Variants in IQGAP1 observed in about 807,000 individuals in gnomAD.
IQGAP1 encodes ras GTPase-activating-like protein IQGAP1.
IQGAP1 carries 66 observed loss-of-function variants against 215.6 expected under a neutral mutation model. That is an observed-to-expected ratio of 0.31 (90% CI 0.25 to 0.38). The LOEUF (loss-of-function observed/expected upper bound fraction) is 0.38, where lower values mean the gene tolerates loss of function less well. Among genes scored for constraint, IQGAP1 ranks in the 10% least tolerant of loss-of-function variants. The pLI is 1.00. For synonymous variants in IQGAP1, 772 were observed against 728.7 expected (o/e 1.06, Z -0.96); for missense variants, 1,712 against 1,997.1 (o/e 0.86, Z 2.72).
At chr15:90,412,365 TCTC>T (rs1436300914) in intron 2 of IQGAP1, among the ~76,000 whole-genome samples, 1 of 152,204 alleles carries the variant, frequency 6.6e-6, no homozygotes, top group Non-Finnish European at 1.5e-5. Context: ...TTCTTTAGTG[TCTC>T]CTCACTTCTC....
chr15:90,458,078 G>A (rs912420568), intron 15 of IQGAP1, among the ~76,000 whole-genome samples: 1 of 152,180 alleles, frequency 6.6e-6, no homozygotes, highest in Non-Finnish European at 1.5e-5. Flanking sequence ...CCATCAGACT[G>A]CTGGTTTGTC....
chr15:90,421,756 C>T (rs1228175374), intron 2 of IQGAP1, among the ~76,000 whole-genome samples: 1 of 152,144 alleles, frequency 6.6e-6, no homozygotes, highest in African/African-American at 2.4e-5. Context: ...TGCAGTGATG[C>T]AATCTCAGCT....
chr15:90,476,246 T>C (rs996500906), intron 23 of IQGAP1, among the ~76,000 whole-genome samples: 3 of 152,154 alleles, frequency 2.0e-5, no homozygotes, highest in African/African-American at 7.2e-5. Context: ...AAATATTATT[T>C]TTAACAGTAG....
At chr15:90,486,603 A>C in intron 31 of IQGAP1, 1 of 211,112 alleles carries the variant, frequency 4.7e-6, no homozygotes, top group Non-Finnish European at 9.4e-6. Context: ...TATGTTGCCC[A>C]GGCTGGTCTC....
At position 90,390,965 on chromosome 15, in the gene IQGAP1, G is replaced by A. The variant is rs148785506; in HGVS notation, c.155+92G>A. The A allele has an allele frequency of 3.0e-4, 249 of 832,498 alleles. No individual in the cohort carries two copies. In the Middle Eastern group the frequency reaches 9.6e-3, roughly 32 times the overall value. 51.6% of individuals were successfully genotyped at this position (832,498 alleles called of 1,614,324 possible). A position where few individuals can be genotyped will look rare whatever the true frequency, so the allele number is the denominator to read the frequency against. ...AGATTGCTTTGAGGCTGAACACAGT[G>A]GTCCATGCCTGTAATCCCAACACGT... On this transcript the variant is annotated intron_variant, in intron 2 of 37. Transcript: ENST00000268182.
chr15:90,392,296 CAT>C (rs1156502003), intron 2 of IQGAP1, among the ~76,000 whole-genome samples: 3 of 152,164 alleles, frequency 2.0e-5, no homozygotes, highest in Admixed American at 6.5e-5. Context: ...TAGAAGATGA[CAT>C]AGCAAGGCAT....
At chr15:90,422,410 TAAA>T (rs1438690493) in intron 2 of IQGAP1, among the ~76,000 whole-genome samples, 1 of 151,926 alleles carries the variant, frequency 6.6e-6, no homozygotes, top group Non-Finnish European at 1.5e-5. Flanking sequence ...TAATTCTAAA[TAAA>T]GAAGAACACC....
intron 17 of IQGAP1, 146 bp downstream of exon 17, chr15:90,466,582 C>T: frequency 1.3e-6 from 1 of 759,336 alleles, no homozygotes; most frequent in Non-Finnish European, 2.1e-6. Flanking sequence ...GAGATAAAAT[C>T]CCTATTTTTG....
intron 35 of IQGAP1, 22 bp from the exon 36 acceptor site, chr15:90,494,691 T>C (rs1966249043): frequency 6.3e-7 from 1 of 1,586,408 alleles, no homozygotes; most frequent in Admixed American, 1.9e-5. Flanking sequence ...TTATAGAAAG[T>C]GACATGATGT....
intron 5 of IQGAP1, among the ~76,000 whole-genome samples, chr15:90,438,383 A>G (rs749387334): frequency 4.6e-5 from 7 of 152,200 alleles, no homozygotes; most frequent in Non-Finnish European, 1.0e-4. Context: ...GTTTATTAAT[A>G]TATGCTAGGC....
At chr15:90,463,221 G>A (rs1038155016) in intron 15 of IQGAP1, among the ~76,000 whole-genome samples, 2 of 152,112 alleles carry the variant, frequency 1.3e-5, no homozygotes, top group Non-Finnish European at 2.9e-5. Context: ...TGTATGAAAG[G>A]TTTTACTTTA....
At chr15:90,477,955 C>G (rs1489968838) in intron 26 of IQGAP1, 66 bp downstream of exon 26, 2 of 1,024,928 alleles carry the variant, frequency 2.0e-6, no homozygotes, top group Non-Finnish European at 3.0e-6. Context: ...TTTCCCCTCT[C>G]TTTATTTATA....
chr15:90,438,019 A>G (rs1965393606), intron 5 of IQGAP1, among the ~76,000 whole-genome samples: 1 of 152,070 alleles, frequency 6.6e-6, no homozygotes, highest in African/African-American at 2.4e-5. Context: ...AGAATACTTG[A>G]TTTTTGTTTT....
At chr15:90,485,687 G>T (rs1036922266) in intron 30 of IQGAP1, among the ~76,000 whole-genome samples, 1 of 152,038 alleles carries the variant, frequency 6.6e-6, no homozygotes, top group Non-Finnish European at 1.5e-5. Flanking sequence ...TGATCCACCC[G>T]CCTTGGCTTC....
At chr15:90,442,506 G>A (rs1281041474) in intron 8 of IQGAP1, among the ~76,000 whole-genome samples, 1 of 152,162 alleles carries the variant, frequency 6.6e-6, no homozygotes, top group Non-Finnish European at 1.5e-5. Context: ...AGTGGTTGAT[G>A]ACAAAACGAA....
intron 7 of IQGAP1, among the ~76,000 whole-genome samples, chr15:90,440,997 C>G (rs1306264547): frequency 2.0e-5 from 3 of 151,962 alleles, no homozygotes; most frequent in Admixed American, 2.0e-4. Flanking sequence ...ATCCCAGCTA[C>G]TCGGGAGGCT....
chr15:90,425,498 T>C (rs982526262), intron 2 of IQGAP1, among the ~76,000 whole-genome samples: 1 of 152,148 alleles, frequency 6.6e-6, no homozygotes, highest in Non-Finnish European at 1.5e-5. Context: ...TTATTCTTTT[T>C]CTTTTTGGAA....
intron 11 of IQGAP1, 116 bp from the exon 12 acceptor site, chr15:90,452,659 T>C (rs535728457): frequency 8.1e-7 from 1 of 1,232,590 alleles, no homozygotes; most frequent in African/African-American, 1.5e-5. Flanking sequence ...AAGTTCCACT[T>C]CAAACTTCAT....
chr15:90,394,691 T>C (rs1964688128), intron 2 of IQGAP1, among the ~76,000 whole-genome samples: 2 of 152,150 alleles, frequency 1.3e-5, no homozygotes, highest in Admixed American at 1.3e-4. Flanking sequence ...CCTCCCAAGT[T>C]GGAGGAGCCC....
Sources: allele counts gnomAD v4.1 joint callset (sites outside exome capture counted in the v4.1 genomes callset), GRCh38; gene constraint gnomAD v4.1.1; transcripts MANE v1.5; gene names NCBI Gene and HGNC (gene_info 2026-07-23, HGNC 2026-07-21).